Variants in LRATD2 observed in about 807,000 individuals in gnomAD.
LRATD2 encodes protein LRATD2.
In LRATD2, 10 loss-of-function variants were observed where a neutral mutation model predicts 12.0. The observed-to-expected ratio is 0.83, with a 90% CI of 0.51 to 1.41. LRATD2 has a LOEUF of 1.41. Ranked by LOEUF, LRATD2 falls within the 40% of genes most tolerant of loss-of-function variation. LRATD2 has a pLI of 0.00. For synonymous variants in LRATD2, 220 were observed against 205.8 expected (o/e 1.07, Z -0.59); for missense variants, 455 against 446.1 (o/e 1.02, Z -0.18).
rs1053345596 is a variant in LRATD2 at position 126,557,737 on chromosome 8, C to T, written c.-96-252G>A. 14 of 269,264 alleles carry T rather than the reference C, an allele frequency of 5.2e-5. No individual in the cohort carries two copies. Among genetic ancestry groups the T allele is most frequent in the East Asian group, 1.8e-4 (2 of 10,930 alleles). The allele number at this position is 269,264 out of a possible 1,614,324, so 16.7% of individuals were successfully genotyped here. ...CCCATTGCATCAGCAGCTTCTACTG[C>T]TTCCGCCTGCGCCCTACCTGCCAAG... On this transcript the variant is annotated intron_variant, in intron 1 of 1. Coordinates refer to ENST00000304916, the MANE Select transcript of LRATD2 (RefSeq NM_174911.5). The surrounding 1 kb of genome is among the most constrained non-coding windows in gnomAD (Gnocchi z 5.3).
In LRATD2 at chr8:126,556,776, G is replaced by T; in HGVS notation, c.614C>A (p.Ala205Asp). Residue 205 changes from alanine (A) to aspartate (D), a missense_variant, in exon 2 of 2, where the codon GCC becomes GAC. Physicochemically the swap from Ala to Asp is moderately radical, Grantham distance 126. Transcript: ENST00000304916. This position sits in a 1 kb window ranked among gnomAD's most constrained non-coding sequence, Gnocchi z 5.6. Reference sequence around the variant, plus strand: ...GCGCTTGCCGTAGCGGCACCAGGCGGCGAAACTCTCCGAGTTGCGCCAGCT... The same window carrying T: ...GCGCTTGCCGTAGCGGCACCAGGCGTCGAAACTCTCCGAGTTGCGCCAGCT... ...ELSWRNSESF[A>D]AWCRYGKREF... 6.3e-7 allele frequency: 1 copy of T among 1,597,400 alleles called. No homozygotes were observed. Among genetic ancestry groups the T allele is most frequent in the East Asian group, 2.3e-5 (1 of 44,436 alleles).
Position 126,556,785 on chromosome 8 carries a change from T to C in LRATD2, c.605A>G (p.Glu202Gly), listed in dbSNP as rs768552126. 1.3e-6 allele frequency: 2 copies of C among 1,598,208 alleles called. No individual in the cohort carries two copies. Among genetic ancestry groups the C allele is most frequent in the Non-Finnish European group, 1.7e-6 (2 of 1,174,746 alleles). The change falls in exon 2 of 2, where the codon GAG becomes GGG. Residue 202 changes from glutamate (E) to glycine (G), a missense_variant. Transcript: ENST00000304916. The surrounding 1 kb of genome is among the most constrained non-coding windows in gnomAD (Gnocchi z 5.6). The part of the protein sequence containing the change: ...KERELSWRNS[E>G]SFAAWCRYGK... ...GTAGCGGCACCAGGCGGCGAAACTC[T>C]CCGAGTTGCGCCAGCTCAGCTCGCG... is the stretch of plus-strand genomic sequence containing the variant.
Position 126,555,326 on chromosome 8 carries a change from G to C in LRATD2, c.*1131C>G, listed in dbSNP as rs1161135741. On this transcript the variant is annotated 3_prime_UTR_variant, in exon 2 of 2. Transcript: ENST00000304916. ...AGCAGAACAAAAGTGAGGGTGAGAG[G>C]GATGGGCCAGTGAGGGGATGGGGGA... 6.6e-6 allele frequency: 1 copy of C among 151,910 alleles called. No individual in the cohort carries two copies. Among genetic ancestry groups the C allele is most frequent in the Non-Finnish European group, 1.5e-5 (1 of 68,008 alleles). The allele number at this position is 151,910 out of a possible 1,614,324, so 9.4% of individuals were successfully genotyped here.
In LRATD2 at chr8:126,554,689, C is replaced by G. The variant is rs73705689; in HGVS notation, c.*1768G>C. The G allele has an allele frequency of 1.3e-5, 2 of 152,254 alleles. No homozygotes were observed. The highest frequency in any genetic ancestry group is 2.4e-5 in the African/African-American group (1 of 41,556). 9.4% of individuals were successfully genotyped at this position (152,254 alleles called of 1,614,324 possible). On this transcript the variant is annotated 3_prime_UTR_variant, in exon 2 of 2. Transcript: ENST00000304916. ...TGTGAAACAAGTGTATTAGAAAATT[C>G]TTTAAGTCTTGTTGCCTTAACTTAG...
In LRATD2 at chr8:126,557,466, C is replaced by T. The variant is rs936574447; in HGVS notation, c.-77G>A. The T allele has an allele frequency of 2.0e-6, 3 of 1,486,218 alleles. No homozygotes were observed. Among genetic ancestry groups the T allele is most frequent in the Non-Finnish European group, 2.7e-6 (3 of 1,094,274 alleles). The allele number at this position is 1,486,218 out of a possible 1,614,324, so 92.1% of individuals were successfully genotyped here. A position where few individuals can be genotyped will look rare whatever the true frequency, so the allele number is the denominator to read the frequency against. On this transcript the variant is annotated 5_prime_UTR_variant, in exon 2 of 2. Transcript: ENST00000304916. The surrounding 1 kb of genome is among the most constrained non-coding windows in gnomAD (Gnocchi z 5.3). ...CTCCAGGGTCATTTGCACAGGTCCC[C>T]GGACAGGGGCTGAGGCTACCTGTTG...
Position 126,555,702 on chromosome 8 carries a change from T to C in LRATD2, c.*755A>G, listed in dbSNP as rs531708230. On this transcript the variant is annotated 3_prime_UTR_variant, in exon 2 of 2. Transcript: ENST00000304916. ...CTGGCCCTTGACAATGATTTACTTG[T>C]AACCTAGGAAGGGGCGGGTGGAGCA... 6 of 152,772 alleles carry C rather than the reference T, an allele frequency of 3.9e-5. No homozygotes were observed. Among genetic ancestry groups the C allele is most frequent in the African/African-American group, 1.2e-4 (5 of 41,556 alleles). The allele number at this position is 152,772 out of a possible 1,614,324, so 9.5% of individuals were successfully genotyped here. A position where few individuals can be genotyped will look rare whatever the true frequency, so the allele number is the denominator to read the frequency against.
chr8:126,554,981 T>G lies in LRATD2; in HGVS notation c.*1476A>C, dbSNP rs1586530708. On this transcript the variant is annotated 3_prime_UTR_variant, in exon 2 of 2. Coordinates refer to ENST00000304916, the MANE Select transcript of LRATD2 (RefSeq NM_174911.5). The stretch of plus-strand genomic sequence containing the variant: ...AGTTTAAGAGACAGGCTGGAAAAAA[T>G]CTCATACTAAGCAAACAGTAGTATC... The G allele has an allele frequency of 6.6e-6, 1 of 151,820 alleles. No homozygotes were observed. The highest frequency in any genetic ancestry group is 2.4e-5 in the African/African-American group (1 of 41,300). 9.4% of individuals were successfully genotyped at this position (151,820 alleles called of 1,614,324 possible).
Position 126,557,183 on chromosome 8 carries a change from G to T in LRATD2, c.207C>A (p.Pro69=). 1 of 1,604,794 alleles carries T rather than the reference G, an allele frequency of 6.2e-7. No individual in the cohort carries two copies. ...GCCGCGGATCGTAGGGCTGCGGCTG[G>T]GGCGGCGGCGGCCCGTCCCCACCGT... ...LPDGGDGPPP[P]QPQPYDPRLH... is the part of the protein sequence containing the mutation. Residue 69 remains proline (P), a synonymous_variant, in exon 2 of 2, where the codon CCC becomes CCA. Coordinates refer to ENST00000304916, the MANE Select transcript of LRATD2 (RefSeq NM_174911.5). The surrounding 1 kb of genome is among the most constrained non-coding windows in gnomAD (Gnocchi z 5.3).
Position 126,557,553 on chromosome 8 carries a change from A to C in LRATD2, c.-96-68T>G. 1 of 755,274 alleles carries C rather than the reference A, an allele frequency of 1.3e-6. No homozygotes were observed. The allele number at this position is 755,274 out of a possible 1,614,324, so 46.8% of individuals were successfully genotyped here. A position where few individuals can be genotyped will look rare whatever the true frequency, so the allele number is the denominator to read the frequency against. ...CGTGAAAAGGGCGTTTTGTTCCGAA[A>C]AAGAATCGGTGGGGGCTCAGCACCT... On this transcript the variant is annotated intron_variant, in intron 1 of 1. Coordinates refer to ENST00000304916, the MANE Select transcript of LRATD2 (RefSeq NM_174911.5). This position sits in a 1 kb window ranked among gnomAD's most constrained non-coding sequence, Gnocchi z 5.3.
Position 126,557,791 on chromosome 8 carries a change from A to C in LRATD2, c.-97+243T>G. 1 of 191,798 alleles carries C rather than the reference A, an allele frequency of 5.2e-6. No individual in the cohort carries two copies. The allele number at this position is 191,798 out of a possible 1,614,324, so 11.9% of individuals were successfully genotyped here. A position where few individuals can be genotyped will look rare whatever the true frequency, so the allele number is the denominator to read the frequency against. ...GGGCAGGAAGAGGGAAGGAAAGAGA[A>C]ACTTTACGCCAATCCCCCCCCTCCT... On this transcript the variant is annotated intron_variant, in intron 1 of 1. Transcript: ENST00000304916. The surrounding 1 kb of genome is among the most constrained non-coding windows in gnomAD (Gnocchi z 5.3).
At position 126,557,943 on chromosome 8, in the gene LRATD2, T is replaced by C. The variant is rs1817461263; in HGVS notation, c.-97+91A>G. ...CGCGACCTGGACAGGTGAGTCACCC[T>C]ACCTGGCTCACCTGCAGCGCTACCT... On this transcript the variant is annotated intron_variant, in intron 1 of 1. Transcript: ENST00000304916. The surrounding 1 kb of genome is among the most constrained non-coding windows in gnomAD (Gnocchi z 5.3). 6.5e-6 allele frequency: 1 copy of C among 152,692 alleles called. No individual in the cohort carries two copies. The highest frequency in any genetic ancestry group is 6.5e-5 in the Admixed American group (1 of 15,290). The allele number at this position is 152,692 out of a possible 1,614,324, so 9.5% of individuals were successfully genotyped here. A position where few individuals can be genotyped will look rare whatever the true frequency, so the allele number is the denominator to read the frequency against.
Position 126,556,240 on chromosome 8 carries a change from C to A in LRATD2, c.*217G>T. 1.8e-6 allele frequency: 1 copy of A among 548,240 alleles called. No homozygotes were observed. Among genetic ancestry groups the A allele is most frequent in the Non-Finnish European group, 3.1e-6 (1 of 326,476 alleles). The allele number at this position is 548,240 out of a possible 1,614,324, so 34.0% of individuals were successfully genotyped here. The stretch of plus-strand genomic sequence containing the variant: ...CAGGGGGCCAGAGGGAGACGCCCCC[C>A]ACCCCCAACTAAAGTGTTTCCTACC... On this transcript the variant is annotated 3_prime_UTR_variant, in exon 2 of 2. Coordinates refer to ENST00000304916, the MANE Select transcript of LRATD2 (RefSeq NM_174911.5). This position sits in a 1 kb window ranked among gnomAD's most constrained non-coding sequence, Gnocchi z 5.6.
At position 126,556,772 on chromosome 8, in the gene LRATD2, G is replaced by A; in HGVS notation, c.618C>T (p.Ala206=). 2 of 1,597,692 alleles carry A rather than the reference G, an allele frequency of 1.3e-6. No individual in the cohort carries two copies. The highest frequency in any genetic ancestry group is 1.3e-5 in the African/African-American group (1 of 74,830). Residue 206 remains alanine (A), a synonymous_variant, in exon 2 of 2, where the codon GCC becomes GCT. Transcript: ENST00000304916. This position sits in a 1 kb window ranked among gnomAD's most constrained non-coding sequence, Gnocchi z 5.6. ...LSWRNSESFA[A]WCRYGKREFK... ...ACTCGCGCTTGCCGTAGCGGCACCAGGCGGCGAAACTCTCCGAGTTGCGCC... is the reference window on the plus strand; with the variant it reads ...ACTCGCGCTTGCCGTAGCGGCACCAAGCGGCGAAACTCTCCGAGTTGCGCC...
chr8:126,553,464 T>A lies in LRATD2; in HGVS notation c.*2993A>T, dbSNP rs1421102143. On this transcript the variant is annotated 3_prime_UTR_variant, in exon 2 of 2. Coordinates refer to ENST00000304916, the MANE Select transcript of LRATD2 (RefSeq NM_174911.5). ...CGATATTTCTTTCCTTCAAAGAGCA[T>A]CCGTAATTCACAGTACAAAACAGTT... 6.6e-6 allele frequency: 1 copy of A among 152,648 alleles called. No individual in the cohort carries two copies. Among genetic ancestry groups the A allele is most frequent in the East Asian group, 1.9e-4 (1 of 5,202 alleles). 9.5% of individuals were successfully genotyped at this position (152,648 alleles called of 1,614,324 possible).
chr8:126,556,590 T>C lies in LRATD2; in HGVS notation c.800A>G (p.Gln267Arg), dbSNP rs754246135. The C allele has an allele frequency of 1.2e-6, 2 of 1,610,048 alleles. No homozygotes were observed. The highest frequency in any genetic ancestry group is 1.1e-5 in the South Asian group (1 of 90,836). Residue 267 changes from glutamine to arginine, a missense_variant, in exon 2 of 2, where the codon CAG (glutamine) becomes CGG (arginine). Coordinates refer to ENST00000304916, the MANE Select transcript of LRATD2 (RefSeq NM_174911.5). The surrounding 1 kb of genome is among the most constrained non-coding windows in gnomAD (Gnocchi z 5.6). ...CGGGTGCAGGTGCGTGGCGAGCTCCTGCAGCACGGCCGCGCGCCCGATCTG... is the reference window on the plus strand; with the variant it reads ...CGGGTGCAGGTGCGTGGCGAGCTCCCGCAGCACGGCCGCGCGCCCGATCTG... ...NDQIGRAAVL[Q>R]ELATHLHPAE... is the part of the protein sequence containing the mutation.
At position 126,553,138 on chromosome 8, in the gene LRATD2, T is replaced by A. The variant is rs1362962833; in HGVS notation, c.*3319A>T. 1 of 152,270 alleles carries A rather than the reference T, an allele frequency of 6.6e-6. No individual in the cohort carries two copies. The highest frequency in any genetic ancestry group is 1.5e-5 in the Non-Finnish European group (1 of 68,042). 9.4% of individuals were successfully genotyped at this position (152,270 alleles called of 1,614,324 possible). A position where few individuals can be genotyped will look rare whatever the true frequency, so the allele number is the denominator to read the frequency against. On this transcript the variant is annotated 3_prime_UTR_variant, in exon 2 of 2. Transcript: ENST00000304916. ...ACCAAAGACATGAGAAGTTTAACCA[T>A]CGACTTGTCATTTTTCATAAAAACT... is the stretch of plus-strand genomic sequence containing the variant.
In LRATD2 at chr8:126,556,689, A is replaced by C; in HGVS notation, c.701T>G (p.Leu234Arg). 6.2e-7 allele frequency: 1 copy of C among 1,610,282 alleles called. No homozygotes were observed. The change falls in exon 2 of 2, where the codon CTG becomes CGG. Residue 234 changes from leucine to arginine, a missense_variant. By Grantham distance (102) the Leu-to-Arg change is moderately radical (BLOSUM62 -2). Coordinates refer to ENST00000304916, the MANE Select transcript of LRATD2 (RefSeq NM_174911.5). This position sits in a 1 kb window ranked among gnomAD's most constrained non-coding sequence, Gnocchi z 5.6. The part of the protein sequence containing the change: ...GKQPYRLQIQ[L>R]SAQRSHTLEF... ...GAGCGTGTGGCTGCGCTGCGCCGAC[A>C]GCTGAATCTGCAGCCGGTAGGGCTG... is the stretch of plus-strand genomic sequence containing the variant.
In LRATD2 at chr8:126,554,877, C is replaced by T. The variant is rs939366625; in HGVS notation, c.*1580G>A. The T allele has an allele frequency of 6.6e-6, 1 of 150,998 alleles. No homozygotes were observed. Among genetic ancestry groups the T allele is most frequent in the Non-Finnish European group, 1.5e-5 (1 of 67,872 alleles). 9.4% of individuals were successfully genotyped at this position (150,998 alleles called of 1,614,324 possible). ...AAAAGACGCCTCAAAATTCACTCAA[C>T]TTTTGAGACAGCAATGGCAATAGGC... On this transcript the variant is annotated 3_prime_UTR_variant, in exon 2 of 2. Coordinates refer to ENST00000304916, the MANE Select transcript of LRATD2 (RefSeq NM_174911.5).
In LRATD2 at chr8:126,556,907, G is replaced by A. The variant is rs778411411; in HGVS notation, c.483C>T (p.Gly161=). Residue 161 remains glycine, a synonymous_variant, in exon 2 of 2, where the codon GGC becomes GGT. Coordinates refer to ENST00000304916, the MANE Select transcript of LRATD2 (RefSeq NM_174911.5). The surrounding 1 kb of genome is among the most constrained non-coding windows in gnomAD (Gnocchi z 5.6). ...GATCGTTGACCACGCGGCCGCGACG[G>A]CCCTGGCTGGCGTCAGTCAGGAAGC... ...INSFLTDASQ[G]RRGRVVNDLY... is the part of the protein sequence containing the mutation. The A allele has an allele frequency of 6.8e-6, 11 of 1,609,126 alleles. No individual in the cohort carries two copies. Among genetic ancestry groups the A allele is most frequent in the East Asian group, 2.2e-5 (1 of 44,850 alleles).
Sources: allele counts gnomAD v4.1 joint callset, GRCh38; gene constraint gnomAD v4.1.1; non-coding constraint Gnocchi (gnomAD v3.1); transcripts MANE v1.5; gene names NCBI Gene and HGNC (gene_info 2026-07-23, HGNC 2026-07-21).